UNKL: variants seen among roughly 807,000 people sequenced by gnomAD.
UNKL encodes the protein unk like zinc finger.
UNKL carries 60 observed loss-of-function variants against 78.0 expected under a neutral mutation model. The ratio of observed to expected loss-of-function variants is 0.77; its 90% CI spans 0.63 to 0.95. UNKL has a LOEUF of 0.95. UNKL is among the 40% of genes least tolerant of loss of function. The pLI is 0.00. For missense variants in UNKL, 1,159 were observed against 1,045.7 expected, an observed-to-expected ratio of 1.11 and a Z score of -1.49; for synonymous variants, 608 against 474.8, an observed-to-expected ratio of 1.28 and a Z score of -3.65.
Position 1,387,171 on chromosome 16 carries a change from CG to C in UNKL, c.1087-1787del, listed in dbSNP as rs1021828058. ...GGGGACCCTCCCAGCCATGCAGCAC[CG>C]GGGACCCTCCCAGCCATGCAACACC... is the stretch of plus-strand genomic sequence containing the variant. On this transcript the variant is annotated intron_variant, in intron 9 of 14. Coordinates refer to ENST00000389221, the MANE Select transcript of UNKL (RefSeq NM_001372107.1). The surrounding 1 kb of genome is among the most constrained non-coding windows in gnomAD (Gnocchi z 4.1). Among the ~76,000 whole-genome samples, 15 of 151,556 alleles carry C rather than the reference CG, an allele frequency of 9.9e-5. No individual in the cohort carries two copies. Among genetic ancestry groups the C allele is most frequent in the African/African-American group, 3.4e-4 (14 of 41,048 alleles).
chr16:1,369,978 CG>C, intron 12 of UNKL, 151 bp downstream of exon 12: 2 of 1,550,650 alleles, frequency 1.3e-6, no homozygotes, highest in Non-Finnish European at 1.7e-6. Flanking sequence ...CGGTCTGCGG[CG>C]TGGGGGAACC....
intron 9 of UNKL, 29 bp from the exon 10 acceptor site, chr16:1,385,414 C>T (rs959117890): frequency 8.2e-5 from 108 of 1,315,148 alleles, no homozygotes; most frequent in South Asian, 8.0e-5. Context: ...ACCGTGAGCG[C>T]GCACCCCCTG....
Position 1,397,266 on chromosome 16 carries a change from CCG to C in UNKL, c.762_763del (p.His254GlnfsTer3). The C allele has an allele frequency of 6.1e-6, 5 of 814,100 alleles. No homozygotes were observed. Among genetic ancestry groups the C allele is most frequent in the Non-Finnish European group, 8.3e-6 (5 of 605,330 alleles). The allele number at this position is 814,100 out of a possible 1,614,324, so 50.4% of individuals were successfully genotyped here. On this transcript the variant is annotated frameshift_variant, in exon 6 of 15. Transcript: ENST00000389221. LOFTEE classifies it high-confidence loss of function. ...GCGTGAGGGTTCCCCCCACTCATCC[CCG>C]TGCTTCACACTGGGGCAGGGCGTGG...
chr16:1,392,997 C>G, intron 7 of UNKL, 21 bp from the exon 8 acceptor site: 1 of 1,550,116 alleles, frequency 6.5e-7, no homozygotes, highest in Non-Finnish European at 8.7e-7. Context: ...AGGGGAGCAG[C>G]AGACTCTGAG....
intron 6 of UNKL, among the ~76,000 whole-genome samples, chr16:1,396,179 T>C (rs527784910): frequency 2.0e-4 from 30 of 151,956 alleles, no homozygotes; most frequent in African/African-American, 6.5e-4. Context: ...TGACCTCAAG[T>C]GATGTGCCCA....
intron 11 of UNKL, among the ~76,000 whole-genome samples, 176 bp from the exon 12 acceptor site, chr16:1,370,533 C>T (rs2035719510): frequency 6.6e-6 from 1 of 152,148 alleles, no homozygotes; most frequent in African/African-American, 2.4e-5. Context: ...GCCACAGCGC[C>T]CCCGGTGGCC....
chr16:1,365,975 G>A lies in UNKL; in HGVS notation c.*265C>T. On this transcript the variant is annotated 3_prime_UTR_variant, in exon 15 of 15. Transcript: ENST00000389221. ...CACCAGGCCCCTCAGGGACAGGCAG[G>A]CGGGTTCTGTGGGTTTGCATTTAAG... 1 of 344,468 alleles carries A rather than the reference G, an allele frequency of 2.9e-6. No homozygotes were observed. Among genetic ancestry groups the A allele is most frequent in the East Asian group, 4.8e-5 (1 of 20,880 alleles). The allele number at this position is 344,468 out of a possible 1,614,324, so 21.3% of individuals were successfully genotyped here.
At chr16:1,366,641 G>GCA (rs1177125927) in intron 14 of UNKL, among the ~76,000 whole-genome samples, 2 of 152,228 alleles carry the variant, frequency 1.3e-5, no homozygotes, top group African/African-American at 4.8e-5. Context: ...CACAGACACG[G>GCA]CAGTGGCCAG....
chr16:1,388,681 G>A (rs1242619973), intron 9 of UNKL, among the ~76,000 whole-genome samples: 1 of 152,164 alleles, frequency 6.6e-6, no homozygotes. Flanking sequence ...GATGGGCACA[G>A]TGAGAGGGGT....
chr16:1,412,112 A>C (rs1311098478), intron 2 of UNKL: 3 of 151,410 alleles, frequency 2.0e-5, no homozygotes, highest in African/African-American at 7.3e-5. Context: ...TCCGCCCTCC[A>C]CCCTCCGCCA....
chr16:1,374,222 G>A (rs1005479527), intron 10 of UNKL, among the ~76,000 whole-genome samples: 3 of 152,068 alleles, frequency 2.0e-5, no homozygotes, highest in Non-Finnish European at 4.4e-5. Flanking sequence ...GGACTGTTGC[G>A]CAGGCGCCCT....
chr16:1,400,541 G>A (rs1198914644), intron 4 of UNKL, among the ~76,000 whole-genome samples: 1 of 151,536 alleles, frequency 6.6e-6, no homozygotes, highest in Non-Finnish European at 1.5e-5. Context: ...GAGGGGATGG[G>A]GAGGAACTGC....
At chr16:1,396,165 C>A (rs571277881) in intron 6 of UNKL, among the ~76,000 whole-genome samples, 52 of 150,872 alleles carry the variant, frequency 3.4e-4, no homozygotes, top group African/African-American at 1.2e-3. Context: ...TGGTTTCGAA[C>A]CCCTGACCTC....
At chr16:1,368,409 T>C (rs1465581460) in intron 12 of UNKL, among the ~76,000 whole-genome samples, 2 of 151,944 alleles carry the variant, frequency 1.3e-5, no homozygotes, top group Admixed American at 6.6e-5. Context: ...GAGACCATCC[T>C]GGCTAACAAG....
intron 2 of UNKL, among the ~76,000 whole-genome samples, chr16:1,406,316 G>A (rs1011119149): frequency 1.3e-5 from 2 of 151,842 alleles, no homozygotes; most frequent in African/African-American, 2.4e-5. Context: ...GCGTTTAAGC[G>A]ATTCTCCTGC....
At position 1,387,769 on chromosome 16, in the gene UNKL, G is replaced by A. The variant is rs956672802; in HGVS notation, c.1087-2384C>T. ...CCGGGGACGTGGACACTGCACCGCC[G>A]CACGGCTGCCCGGCCTGCGGAAGCC... is the stretch of plus-strand genomic sequence containing the variant. On this transcript the variant is annotated intron_variant, in intron 9 of 14. Coordinates refer to ENST00000389221, the MANE Select transcript of UNKL (RefSeq NM_001372107.1). This position sits in a 1 kb window ranked among gnomAD's most constrained non-coding sequence, Gnocchi z 4.1. 3.3e-5 allele frequency among the ~76,000 whole-genome samples: 5 copies of A among 151,776 alleles called. No individual in the cohort carries two copies. Among genetic ancestry groups the A allele is most frequent in the Non-Finnish European group, 7.4e-5 (5 of 67,926 alleles).
chr16:1,401,489 G>C, intron 4 of UNKL, 79 bp downstream of exon 4: 1 of 1,385,928 alleles, frequency 7.2e-7, no homozygotes, highest in African/African-American at 1.4e-5. Flanking sequence ...GAAAGGCACA[G>C]GGAACCAAGT....
At position 1,370,298 on chromosome 16, in the gene UNKL, G is replaced by A. The variant is rs1188931334; in HGVS notation, c.1417C>T (p.Pro473Ser). Reference protein sequence around the residue: ...VAIPGSLPRAPSLHSPSSAST... With the variant: ...VAIPGSLPRASSLHSPSSAST... ...GCAGAGGATGGCGAGTGTAGCGATGGTGCTCTGGGCAGGGAGCCGGGGATG... is the reference window on the plus strand; with the variant it reads ...GCAGAGGATGGCGAGTGTAGCGATGATGCTCTGGGCAGGGAGCCGGGGATG... The change falls in exon 12 of 15, where the codon CCA (proline) becomes TCA (serine). Residue 473 changes from proline to serine, a missense_variant. Transcript: ENST00000389221. 3.9e-6 allele frequency: 6 copies of A among 1,534,262 alleles called. No individual in the cohort carries two copies. In the African/African-American group the frequency reaches 5.5e-5, roughly 14 times the overall value.
intron 10 of UNKL, among the ~76,000 whole-genome samples, chr16:1,376,989 G>A (rs1303391262): frequency 2.0e-5 from 3 of 151,974 alleles, no homozygotes; most frequent in African/African-American, 7.3e-5. Context: ...ACCTAGGTGC[G>A]ACGCCTGGGG....
Sources: gnomAD v4.1 joint callset for allele counts (sites outside exome capture counted in the v4.1 genomes callset) on GRCh38, gnomAD v4.1.1 for gene constraint, Gnocchi (gnomAD v3.1) non-coding constraint, MANE v1.5 for transcripts, NCBI Gene and HGNC (gene_info 2026-07-23, HGNC 2026-07-21) for gene names.